The following ABCC1 variants were observed in gnomAD, a reference collection of about 807,000 sequenced individuals.
ABCC1 encodes the protein ATP binding cassette subfamily C member 1 (ABCC1 blood group), also known as multidrug resistance-associated protein 1.
Under a neutral mutation model 172.9 loss-of-function variants are expected in ABCC1, and 83 were observed. That is an observed-to-expected ratio of 0.48 (90% confidence interval 0.40 to 0.58). ABCC1 has a LOEUF of 0.58. ABCC1 is among the 20% of genes least tolerant of loss of function. The pLI is 0.00. For synonymous variants in ABCC1, 937 were observed against 825.2 expected, an observed-to-expected ratio of 1.14 and a Z score of -2.32; for missense variants, 1,817 against 2,002.7, an observed-to-expected ratio of 0.91 and a Z score of 1.77.
chr16:15,970,626 G>C (rs1051245863), intron 1 of ABCC1, among the ~76,000 whole-genome samples: 1 of 152,230 alleles, frequency 6.6e-6, no homozygotes, highest in African/African-American at 2.4e-5. Flanking sequence ...AAAAGAACCA[G>C]AAGGAGGCTG....
chr16:15,953,610 G>T (rs2045924997), intron 1 of ABCC1, among the ~76,000 whole-genome samples: 1 of 152,156 alleles, frequency 6.6e-6, no homozygotes, highest in Non-Finnish European at 1.5e-5. Context: ...AAGATCAGTG[G>T]TCGTTGCCAC....
chr16:15,997,420 T>A (rs1445247995), intron 1 of ABCC1, among the ~76,000 whole-genome samples: 1 of 152,172 alleles, frequency 6.6e-6, no homozygotes, highest in Non-Finnish European at 1.5e-5. Flanking sequence ...AAGATTTCTG[T>A]GGGCCAGGTT....
At position 16,005,884 on chromosome 16, in the gene ABCC1, G is replaced by A. The variant is rs376657600; in HGVS notation, c.49-1932G>A. On this transcript the variant is annotated intron_variant, in intron 1 of 30. Coordinates refer to ENST00000399410, the MANE Select transcript of ABCC1 (RefSeq NM_004996.4). ...CAGGAGAATCACTTGAACCCGGGAA[G>A]CAGAGATTGCAGTGAGCCGAGATCG... Among the ~76,000 whole-genome samples, 8 of 151,998 alleles carry A rather than the reference G, an allele frequency of 5.3e-5. No individual in the cohort carries two copies. In the East Asian group the frequency reaches 1.2e-3, roughly 22 times the overall value.
intron 12 of ABCC1, among the ~76,000 whole-genome samples, chr16:16,061,544 A>G (rs2049912589): frequency 6.6e-6 from 1 of 152,218 alleles, no homozygotes; most frequent in African/African-American, 2.4e-5. Flanking sequence ...TGAGAACCAC[A>G]GTCAATAGTG....
At chr16:16,068,016 G>GT in intron 12 of ABCC1, 140 bp from the exon 13 acceptor site, 1 of 907,252 alleles carries the variant, frequency 1.1e-6, no homozygotes, top group Admixed American at 2.3e-5. Flanking sequence ...ACTGCCCCAG[G>GT]TTTTTCCACG....
intron 1 of ABCC1, among the ~76,000 whole-genome samples, chr16:15,975,757 T>C (rs1290186107): frequency 6.6e-6 from 1 of 151,832 alleles, no homozygotes; most frequent in Non-Finnish European, 1.5e-5. Flanking sequence ...GGTTTCTCCA[T>C]GTTGGTAAAG....
chr16:16,000,583 C>T (rs190028906), intron 1 of ABCC1, among the ~76,000 whole-genome samples: 4 of 152,146 alleles, frequency 2.6e-5, no homozygotes, highest in East Asian at 1.9e-4. Context: ...TAGTCTCTAC[C>T]TGGATGGATT....
At chr16:16,137,069 G>A (rs555549863) in intron 29 of ABCC1, among the ~76,000 whole-genome samples, 5 of 152,200 alleles carry the variant, frequency 3.3e-5, no homozygotes, top group African/African-American at 4.8e-5. Flanking sequence ...GCACACCAGC[G>A]GAACCTCTGG....
chr16:16,062,506 C>A (rs2049959295), intron 12 of ABCC1, among the ~76,000 whole-genome samples: 1 of 152,104 alleles, frequency 6.6e-6, no homozygotes, highest in African/African-American at 2.4e-5. Context: ...AATACTGAGC[C>A]CGGCTACCGG....
At chr16:16,115,135 T>A in intron 23 of ABCC1, 59 bp downstream of exon 23, 1 of 1,527,958 alleles carries the variant, frequency 6.5e-7, no homozygotes, top group Non-Finnish European at 8.9e-7. Flanking sequence ...ATACCAGTGT[T>A]ACCTAAAGCC....
Position 16,098,725 on chromosome 16 carries a change from T to C in ABCC1, c.2645-3902T>C, listed in dbSNP as rs1271762251. On this transcript the variant is annotated intron_variant, in intron 19 of 30. Transcript: ENST00000399410. The stretch of plus-strand genomic sequence containing the variant: ...CCCAGCACGTGTGGGATGGGGAAAC[T>C]GACGCACAAATGGAGCAGACCCTTC... The C allele has an allele frequency of 1.6e-5, 10 of 627,164 alleles. No homozygotes were observed. In the East Asian group the frequency reaches 5.8e-4, roughly 37 times the overall value. The allele number at this position is 627,164 out of a possible 1,614,324, so 38.8% of individuals were successfully genotyped here. A position where few individuals can be genotyped will look rare whatever the true frequency, so the allele number is the denominator to read the frequency against.
intron 1 of ABCC1, among the ~76,000 whole-genome samples, chr16:15,976,733 G>C (rs1311299952): frequency 1.3e-5 from 2 of 152,162 alleles, no homozygotes; most frequent in African/African-American, 4.8e-5. Context: ...ATAATACTAT[G>C]GTAGAAGTAA....
chr16:16,028,160 C>T (rs1397050772), intron 5 of ABCC1, among the ~76,000 whole-genome samples: 1 of 152,160 alleles, frequency 6.6e-6, no homozygotes, highest in Non-Finnish European at 1.5e-5. Context: ...GGTTGGTTAA[C>T]CTCTGCCTAC....
At chr16:16,064,764 A>C (rs557882308) in intron 12 of ABCC1, among the ~76,000 whole-genome samples, 21 of 152,206 alleles carry the variant, frequency 1.4e-4, no homozygotes, top group Non-Finnish European at 2.4e-4. Flanking sequence ...GAGCACCATG[A>C]TCTGGGCTCT....
Position 16,134,338 on chromosome 16 carries a change from T to G in ABCC1, c.3967-12T>G. The G allele has an allele frequency of 6.2e-7, 1 of 1,613,996 alleles. No individual in the cohort carries two copies. The highest frequency in any genetic ancestry group is 8.5e-7 in the Non-Finnish European group (1 of 1,180,010). ...AGCATTCCCACCACACCTGGGCCCT[T>G]CTGTCCTGCAGGTCGGCATCGTGGG... On this transcript the variant is annotated splice_polypyrimidine_tract_variant and intron_variant, in intron 27 of 30. Transcript: ENST00000399410.
intron 10 of ABCC1, among the ~76,000 whole-genome samples, chr16:16,050,040 A>G (rs2049363526): frequency 6.6e-6 from 1 of 152,052 alleles, no homozygotes; most frequent in Admixed American, 6.6e-5. Context: ...TGCTCAGTGT[A>G]CTGCCTCCTC....
At chr16:16,052,505 G>A (rs1490608423) in intron 10 of ABCC1, among the ~76,000 whole-genome samples, 2 of 152,156 alleles carry the variant, frequency 1.3e-5, no homozygotes, top group Non-Finnish European at 2.9e-5. Flanking sequence ...GGAGAAAGGA[G>A]CGTGGACCTG....
At chr16:16,059,515 T>G (rs1367936012) in intron 12 of ABCC1, among the ~76,000 whole-genome samples, 2 of 152,110 alleles carry the variant, frequency 1.3e-5, no homozygotes, top group Non-Finnish European at 2.9e-5. Flanking sequence ...TTAAAAAATA[T>G]GAAATCTGGC....
chr16:16,130,556 G>C (rs1303572437), intron 26 of ABCC1, among the ~76,000 whole-genome samples: 1 of 152,132 alleles, frequency 6.6e-6, no homozygotes, highest in Non-Finnish European at 1.5e-5. Flanking sequence ...CAAATACCTA[G>C]AGCCAGTCTG....
Sources: gnomAD v4.1 joint callset for allele counts (sites outside exome capture counted in the v4.1 genomes callset) on GRCh38, gnomAD v4.1.1 for gene constraint, MANE v1.5 for transcripts, NCBI Gene and HGNC (gene_info 2026-07-23, HGNC 2026-07-21) for gene names.